LGR4: variants seen among roughly 807,000 people sequenced by gnomAD.
The protein encoded by LGR4 is leucine rich repeat containing G protein-coupled receptor 4.
In LGR4, 44 loss-of-function variants were observed where a neutral mutation model predicts 84.8. The observed-to-expected ratio is 0.52, with a 90% CI of 0.41 to 0.67. The LOEUF is 0.67. Among genes scored for constraint, LGR4 ranks in the 30% least tolerant of loss-of-function variants. The pLI is 0.00. For synonymous variants in LGR4, 429 were observed against 434.3 expected (o/e 0.99, Z 0.15); for missense variants, 1,032 against 1,131.4 (o/e 0.91, Z 1.26).
rs753024425 is a variant in LGR4, at chr11:27,368,456, T to C, written c.2267A>G (p.Asn756Ser). Residue 756 changes from asparagine (N) to serine (S), a missense_variant, in exon 18 of 18, where the codon AAT becomes AGT. Physicochemically the swap from Asn to Ser is conservative, Grantham distance 46. Transcript: ENST00000379214. ...IKHVAWLIFT[N>S]CIFFCPVAFF... ...CGCCACAGGGCAGAAAAAGATGCAA[T>C]TGGTGAAGATTAGCCAAGCGACATG... 1.2e-6 allele frequency: 2 copies of C among 1,614,184 alleles called. No homozygotes were observed. Among genetic ancestry groups the C allele is most frequent in the South Asian group, 2.2e-5 (2 of 91,078 alleles).
chr11:27,391,365 T>C (rs1863282707), intron 3 of LGR4, among the ~76,000 whole-genome samples, 200 bp from the exon 4 acceptor site: 1 of 151,822 alleles, frequency 6.6e-6, no homozygotes, highest in South Asian at 2.1e-4. Context: ...AGGAAATCTA[T>C]ACTGCTATCC....
At position 27,373,683 on chromosome 11, in the gene LGR4, T is replaced by C; in HGVS notation, c.1254-7A>G. The C allele has an allele frequency of 6.4e-7, 1 of 1,563,814 alleles. No homozygotes were observed. The highest frequency in any genetic ancestry group is 8.7e-7 in the Non-Finnish European group (1 of 1,151,672). On this transcript the variant is annotated splice_polypyrimidine_tract_variant and splice_region_variant and intron_variant, in intron 14 of 17. Transcript: ENST00000379214. ...TTCATTGAAACTTACATCTCTAAAA[T>C]ATGAATGAGACTTCAAGTTAATGCC...
At position 27,472,688 on chromosome 11, in the gene LGR4, C is replaced by A. The variant is rs1006299099; in HGVS notation, c.-386G>T. 3 of 360,278 alleles carry A rather than the reference C, an allele frequency of 8.3e-6. No individual in the cohort carries two copies. The highest frequency in any genetic ancestry group is 1.5e-5 in the Non-Finnish European group (3 of 202,092). The allele number at this position is 360,278 out of a possible 1,614,324, so 22.3% of individuals were successfully genotyped here. A position where few individuals can be genotyped will look rare whatever the true frequency, so the allele number is the denominator to read the frequency against. Reference sequence around the variant, plus strand: ...CAGCCATGCCGGCCACTCGCCCCAGCCCCCGCCGTGGCTCTCGCACAAACA... The same window carrying A: ...CAGCCATGCCGGCCACTCGCCCCAGACCCCGCCGTGGCTCTCGCACAAACA... On this transcript the variant is annotated 5_prime_UTR_variant, in exon 1 of 18. Coordinates refer to ENST00000379214, the MANE Select transcript of LGR4 (RefSeq NM_018490.5).
intron 2 of LGR4, among the ~76,000 whole-genome samples, chr11:27,404,149 T>C (rs1270458733): frequency 6.6e-6 from 1 of 152,226 alleles, no homozygotes; most frequent in East Asian, 1.9e-4. Context: ...AGCCAAATAA[T>C]AGTCAGTATT....
At chr11:27,457,522 C>G (rs571111836) in intron 1 of LGR4, among the ~76,000 whole-genome samples, 29 of 152,332 alleles carry the variant, frequency 1.9e-4, no homozygotes, top group African/African-American at 6.5e-4. Flanking sequence ...TTTGCTAATA[C>G]TACATACCAT....
intron 1 of LGR4, among the ~76,000 whole-genome samples, chr11:27,433,528 GC>G (rs1338059471): frequency 6.6e-6 from 1 of 151,736 alleles, no homozygotes; most frequent in East Asian, 1.9e-4. Flanking sequence ...ACCATGCCCG[GC>G]CCACTCTTCT....
intron 1 of LGR4, among the ~76,000 whole-genome samples, chr11:27,421,727 C>T (rs538979020): frequency 7.9e-5 from 12 of 152,148 alleles, no homozygotes; most frequent in Non-Finnish European, 1.3e-4. Flanking sequence ...TATTTTCTAG[C>T]TTTAAAACAA....
chr11:27,464,757 A>T (rs2133458898), intron 1 of LGR4, among the ~76,000 whole-genome samples: 1 of 152,320 alleles, frequency 6.6e-6, no homozygotes, highest in East Asian at 1.9e-4. Flanking sequence ...ATATAAGGGG[A>T]TAGAGAGAAT....
At chr11:27,448,759 T>C (rs928247667) in intron 1 of LGR4, among the ~76,000 whole-genome samples, 2 of 152,172 alleles carry the variant, frequency 1.3e-5, no homozygotes, top group Non-Finnish European at 2.9e-5. Flanking sequence ...AGGTTTACTG[T>C]ATTCCATTTT....
At chr11:27,468,579 C>T (rs1864819552) in intron 1 of LGR4, among the ~76,000 whole-genome samples, 1 of 152,104 alleles carries the variant, frequency 6.6e-6, no homozygotes, top group Admixed American at 6.5e-5. Context: ...TTATTGTCAC[C>T]TTGCCATCCT....
At chr11:27,414,393 GT>G (rs1863773226) in intron 1 of LGR4, among the ~76,000 whole-genome samples, 2 of 144,646 alleles carry the variant, frequency 1.4e-5, no homozygotes, top group African/African-American at 5.4e-5. Context: ...GACAACCGGG[GT>G]TTAAAAAAAA....
At chr11:27,446,245 CTGAT>C (rs1197695047) in intron 1 of LGR4, among the ~76,000 whole-genome samples, 1 of 152,180 alleles carries the variant, frequency 6.6e-6, no homozygotes, top group Non-Finnish European at 1.5e-5. Context: ...CCTGTTCACT[CTGAT>C]GGTAGTTTCT....
rs1219999617 is a variant in LGR4, at chr11:27,372,463, A to G, written c.1380-65T>C. ...TCCGCAGTTATGGTTTTGTTTTGTA[A>G]AAGTATTTTAAACTTTGAAAACCTC... On this transcript the variant is annotated intron_variant, in intron 15 of 17. Transcript: ENST00000379214. 6 of 964,306 alleles carry G rather than the reference A, an allele frequency of 6.2e-6. No individual in the cohort carries two copies. The African/African-American group carries it at 6.5e-5, about 10-fold the overall frequency. 59.7% of individuals were successfully genotyped at this position (964,306 alleles called of 1,614,324 possible). A position where few individuals can be genotyped will look rare whatever the true frequency, so the allele number is the denominator to read the frequency against.
chr11:27,433,472 C>G (rs1864152651), intron 1 of LGR4, among the ~76,000 whole-genome samples: 1 of 151,012 alleles, frequency 6.6e-6, no homozygotes, highest in African/African-American at 2.4e-5. Context: ...ACCTTGTAAT[C>G]TGCCCACCTC....
chr11:27,416,177 T>A (rs1456117823), intron 1 of LGR4, among the ~76,000 whole-genome samples: 4 of 152,152 alleles, frequency 2.6e-5, no homozygotes, highest in African/African-American at 9.7e-5. Context: ...ATATATCATA[T>A]GAGGTCAAAG....
At chr11:27,426,862 G>A (rs72889537) in intron 1 of LGR4, among the ~76,000 whole-genome samples, 15,565 of 152,078 alleles carry the variant, frequency 0.1, 996 homozygotes, top group African/African-American at 0.16. Context: ...GGATTGTGTT[G>A]CAGTGATGTT....
chr11:27,395,273 A>T (rs1014472843), intron 2 of LGR4, among the ~76,000 whole-genome samples: 1 of 152,116 alleles, frequency 6.6e-6, no homozygotes, highest in Non-Finnish European at 1.5e-5. Context: ...GATTCTTATT[A>T]TTCTTTTGTC....
Position 27,374,005 on chromosome 11 carries a change from G to C in LGR4, c.1223C>G (p.Ala408Gly). Residue 408 changes from alanine to glycine, a missense_variant, in exon 14 of 18, where the codon GCT becomes GGT. By Grantham distance (60) the Ala-to-Gly change is moderately conservative. Coordinates refer to ENST00000379214, the MANE Select transcript of LGR4 (RefSeq NM_018490.5). ...RNLIHEIHSR[A>G]FATLGPITNL... The stretch of plus-strand genomic sequence containing the variant: ...AGTTATTGGCCCAAGTGTGGCAAAA[G>C]CTCTACTGTGAATTTCATGTATCAG... 1 of 1,612,050 alleles carries C rather than the reference G, an allele frequency of 6.2e-7. No homozygotes were observed. The highest frequency in any genetic ancestry group is 8.5e-7 in the Non-Finnish European group (1 of 1,178,258).
intron 4 of LGR4, among the ~76,000 whole-genome samples, chr11:27,390,347 A>C (rs895871942): frequency 2.0e-5 from 3 of 152,176 alleles, no homozygotes; most frequent in Admixed American, 1.3e-4. Flanking sequence ...CAGCACACAT[A>C]AGGGTGATAA....
Sources: gnomAD v4.1 joint callset for allele counts (sites outside exome capture counted in the v4.1 genomes callset) on GRCh38, gnomAD v4.1.1 for gene constraint, MANE v1.5 for transcripts, NCBI Gene and HGNC (gene_info 2026-07-23, HGNC 2026-07-21) for gene names.